The following GRIK2 variants were observed in gnomAD, a reference collection of about 807,000 sequenced individuals.
GRIK2 encodes the protein glutamate ionotropic receptor kainate type subunit 2, also known as glutamate receptor ionotropic, kainate 2.
In GRIK2, 32 loss-of-function variants were observed where a neutral mutation model predicts 100.3. The observed-to-expected ratio is 0.32, with a 90% CI of 0.24 to 0.43. The LOEUF is 0.43. Ranked by LOEUF, GRIK2 falls within the 20% of genes least tolerant of loss-of-function variation. GRIK2 has a pLI of 1.00. For missense variants in GRIK2, 843 were observed against 1,114.9 expected, an observed-to-expected ratio of 0.76 and a Z score of 3.47; for synonymous variants, 417 against 389.4, an observed-to-expected ratio of 1.07 and a Z score of -0.83.
At chr6:101,796,037 CA>C (rs983365786) in intron 7 of GRIK2, among the ~76,000 whole-genome samples, 36 of 152,214 alleles carry the variant, frequency 2.4e-4, no homozygotes, top group African/African-American at 8.4e-4. Context: ...TGTGTAACTA[CA>C]AAACCACCTT....
chr6:101,969,201 C>T (rs1262320887), intron 14 of GRIK2, among the ~76,000 whole-genome samples: 1 of 151,780 alleles, frequency 6.6e-6, no homozygotes, highest in African/African-American at 2.4e-5. Context: ...TTTTTAAATG[C>T]ATGATTGTGG....
chr6:102,013,154 C>T (rs1420730286), intron 14 of GRIK2, among the ~76,000 whole-genome samples: 1 of 152,052 alleles, frequency 6.6e-6, no homozygotes, highest in Non-Finnish European at 1.5e-5. Flanking sequence ...TTTTACCTCC[C>T]TGATTTGCTG....
At chr6:101,432,572 A>T (rs1769468176) in intron 2 of GRIK2, among the ~76,000 whole-genome samples, 1 of 152,174 alleles carries the variant, frequency 6.6e-6, no homozygotes. Context: ...ACAGGAGGAG[A>T]TTGATACCTA....
At chr6:101,762,785 A>G (rs1777812970) in intron 7 of GRIK2, among the ~76,000 whole-genome samples, 1 of 152,228 alleles carries the variant, frequency 6.6e-6, no homozygotes, top group African/African-American at 2.4e-5. Flanking sequence ...TCAGCTAAAA[A>G]GTACACATGT....
chr6:101,441,545 C>T (rs150259115), intron 2 of GRIK2, among the ~76,000 whole-genome samples: 47 of 152,224 alleles, frequency 3.1e-4, no homozygotes, highest in African/African-American at 9.4e-4. Context: ...ACATGCTTGG[C>T]GCGGTCAAAC....
At chr6:101,891,659 AATT>A (rs1429209288) in intron 12 of GRIK2, 7 of 364,592 alleles carry the variant, frequency 1.9e-5, no homozygotes, top group Non-Finnish European at 3.2e-5. Context: ...TTCTTCAGAT[AATT>A]ATTATTTGCA....
At chr6:101,879,406 A>G (rs1016661799) in intron 11 of GRIK2, among the ~76,000 whole-genome samples, 7 of 151,910 alleles carry the variant, frequency 4.6e-5, no homozygotes, top group African/African-American at 1.7e-4. Flanking sequence ...TCTGATCACA[A>G]TTACATATGC....
At position 101,928,619 on chromosome 6, in the gene GRIK2, T is replaced by C. The variant is rs753218875; in HGVS notation, c.2072T>C (p.Met691Thr). The C allele has an allele frequency of 7.9e-5, 125 of 1,575,370 alleles. No individual in the cohort carries two copies. The highest frequency in any genetic ancestry group is 1.1e-4 in the Non-Finnish European group (122 of 1,145,118). ...EYGAVEDGAT[M>T]TFFKKSKIST... ...GGAGCAGTAGAGGATGGTGCAACCA[T>C]GACTTTTTTCAAGGTAAGTTCTGCT... Residue 691 changes from methionine (M) to threonine (T), a missense_variant, in exon 14 of 17, where the codon ATG becomes ACG. This residue lies in a region of GRIK2 where 237 missense variants were observed against 388.0 expected (regional missense o/e 0.61). Coordinates refer to ENST00000369134, the MANE Select transcript of GRIK2 (RefSeq NM_021956.5).
chr6:101,660,507 T>C (rs763731067), intron 4 of GRIK2, among the ~76,000 whole-genome samples: 5 of 152,186 alleles, frequency 3.3e-5, no homozygotes, highest in African/African-American at 7.2e-5. Flanking sequence ...TCCAGTTTTA[T>C]TCCCTTGCTG....
intron 7 of GRIK2, among the ~76,000 whole-genome samples, chr6:101,792,761 C>G (rs962641636): frequency 2.0e-4 from 31 of 152,132 alleles, no homozygotes; most frequent in Middle Eastern, 3.4e-3. Context: ...GCCTGCCTTG[C>G]TAGGTTGGGG....
rs749773043 is a variant in GRIK2 at position 101,780,786 on chromosome 6, G to T, written c.952-18862G>T. Among the ~76,000 whole-genome samples, 73 of 152,228 alleles carry T rather than the reference G, an allele frequency of 4.8e-4. 1 individual carries two copies. Among genetic ancestry groups the T allele is most frequent in the South Asian group, 4.1e-4 (2 of 4,820 alleles). ...GCAGATAAATCAATCTCTAAATTTG[G>T]GTGTAAGAGACGCCTCTTAGGCCCC... On this transcript the variant is annotated intron_variant, in intron 7 of 16. Transcript: ENST00000369134.
intron 2 of GRIK2, among the ~76,000 whole-genome samples, chr6:101,590,434 G>C (rs1582782621): frequency 6.6e-6 from 1 of 152,138 alleles, no homozygotes. Flanking sequence ...TGGGGAGACT[G>C]TGGTGCTTGG....
chr6:101,546,956 A>G (rs1223886946), intron 2 of GRIK2, among the ~76,000 whole-genome samples: 1 of 146,700 alleles, frequency 6.8e-6, no homozygotes, highest in Non-Finnish European at 1.5e-5. Context: ...TCAGCCTCCC[A>G]AGTAGCTGGG....
chr6:101,651,004 C>CTTTTTT (rs3056156), intron 4 of GRIK2, among the ~76,000 whole-genome samples: 4 of 119,512 alleles, frequency 3.3e-5, no homozygotes, highest in Non-Finnish European at 5.4e-5. Context: ...CTTTCTTTTT[C>CTTTTTT]TTTTTTTTTT....
At chr6:101,734,485 G>A (rs1040416363) in intron 7 of GRIK2, among the ~76,000 whole-genome samples, 1 of 152,154 alleles carries the variant, frequency 6.6e-6, no homozygotes, top group Non-Finnish European at 1.5e-5. Context: ...ACATTAGGGA[G>A]GACAATTACT....
At chr6:101,690,586 A>G (rs1478356091) in intron 7 of GRIK2, among the ~76,000 whole-genome samples, 3 of 152,074 alleles carry the variant, frequency 2.0e-5, no homozygotes, top group African/African-American at 7.2e-5. Context: ...TTTTTTCAGA[A>G]CTTTGCTCAT....
intron 7 of GRIK2, among the ~76,000 whole-genome samples, chr6:101,742,928 G>GAC (rs1198763180): frequency 1.3e-5 from 2 of 152,180 alleles, no homozygotes; most frequent in Non-Finnish European, 2.9e-5. Flanking sequence ...AGCCCTGGCT[G>GAC]AGGACGAAGT....
intron 7 of GRIK2, among the ~76,000 whole-genome samples, chr6:101,765,215 G>A (rs1394498485): frequency 6.6e-6 from 1 of 152,024 alleles, no homozygotes; most frequent in Non-Finnish European, 1.5e-5. Flanking sequence ...TTCAGTTTTA[G>A]CATTTATTCA....
intron 2 of GRIK2, among the ~76,000 whole-genome samples, chr6:101,424,847 G>A (rs1365549654): frequency 1.8e-4 from 27 of 146,450 alleles, no homozygotes; most frequent in East Asian, 1.5e-3. Context: ...ATAGTTTGCT[G>A]AGAATGATGG....
Sources: allele counts gnomAD v4.1 joint callset (sites outside exome capture counted in the v4.1 genomes callset), GRCh38; gene constraint gnomAD v4.1.1; regional missense constraint gnomAD v4.1.1; transcripts MANE v1.5; gene names NCBI Gene and HGNC (gene_info 2026-07-23, HGNC 2026-07-21).